Variants in CFAP91 observed in about 807,000 individuals in gnomAD.
The protein encoded by CFAP91 is cilia and flagella associated protein 91, also known as cilia- and flagella-associated protein 91.
In CFAP91, 85 loss-of-function variants were observed where a neutral mutation model predicts 95.9. That is an observed-to-expected ratio of 0.89 (90% CI 0.74 to 1.06). The LOEUF is 1.06. Ranked by LOEUF, CFAP91 falls within the 50% of genes least tolerant of loss-of-function variation. CFAP91 has a pLI of 0.00. For missense variants in CFAP91, 962 were observed against 943.4 expected (o/e 1.02, Z -0.26); for synonymous variants, 335 against 327.5 (o/e 1.02, Z -0.25).
chr3:119,756,622 A>G (rs577178566), intron 17 of CFAP91, among the ~76,000 whole-genome samples: 1 of 152,328 alleles, frequency 6.6e-6, no homozygotes, highest in East Asian at 1.9e-4. Context: ...AGAGGGCTAA[A>G]TGGATTAAAT....
chr3:119,737,285 G>T, intron 10 of CFAP91, 81 bp from the exon 11 acceptor site: 1 of 768,828 alleles, frequency 1.3e-6, no homozygotes, highest in Admixed American at 2.4e-5. Flanking sequence ...ATACATTCAT[G>T]TAAAAAACTG....
At chr3:119,714,951 A>C (rs919913243) in intron 5 of CFAP91, among the ~76,000 whole-genome samples, 1 of 152,156 alleles carries the variant, frequency 6.6e-6, no homozygotes, top group Non-Finnish European at 1.5e-5. Flanking sequence ...TTTTTACATT[A>C]ATTTTTTTAA....
chr3:119,703,078 C>A lies in CFAP91; in HGVS notation c.-21C>A, dbSNP rs760185993. 5.2e-6 allele frequency: 8 copies of A among 1,550,266 alleles called. No individual in the cohort carries two copies. Among genetic ancestry groups the A allele is most frequent in the African/African-American group, 1.4e-5 (1 of 73,072 alleles). Reference sequence around the variant, plus strand: ...GCCTGACCCGCTGGTCCCTTGCTGGCGGGAGGAAAGAGGCGGCACCATGAG... The same window carrying A: ...GCCTGACCCGCTGGTCCCTTGCTGGAGGGAGGAAAGAGGCGGCACCATGAG... On this transcript the variant is annotated 5_prime_UTR_variant, in exon 1 of 18. Transcript: ENST00000273390.
intron 10 of CFAP91, 81 bp downstream of exon 10, chr3:119,733,587 G>T: frequency 4.2e-6 from 6 of 1,420,004 alleles, no homozygotes; most frequent in South Asian, 3.8e-5. Flanking sequence ...TTGCAGCAAT[G>T]TCCAGTGGGT....
At chr3:119,764,788 A>G (rs2054599813) in intron 17 of CFAP91, among the ~76,000 whole-genome samples, 1 of 151,950 alleles carries the variant, frequency 6.6e-6, no homozygotes, top group South Asian at 2.1e-4. Flanking sequence ...TTGTATTTTT[A>G]TTTTTTTATG....
chr3:119,730,136 A>G (rs2053866530), intron 7 of CFAP91, 84 bp from the exon 8 acceptor site: 3 of 1,381,892 alleles, frequency 2.2e-6, no homozygotes, highest in Non-Finnish European at 3.0e-6. Flanking sequence ...CAGCCCACAG[A>G]GAAGAGCCTG....
chr3:119,727,717 CA>C (rs1455076959), intron 7 of CFAP91, among the ~76,000 whole-genome samples: 2 of 152,060 alleles, frequency 1.3e-5, no homozygotes, highest in African/African-American at 4.8e-5. Context: ...CTGTTCTGTA[CA>C]AAAAGTGCTT....
intron 14 of CFAP91, among the ~76,000 whole-genome samples, chr3:119,745,391 A>G (rs1385633975): frequency 6.6e-6 from 1 of 152,232 alleles, no homozygotes; most frequent in African/African-American, 2.4e-5. Flanking sequence ...AAATACATAT[A>G]AATTTTGCAG....
chr3:119,713,888 T>G (rs2053522197), intron 5 of CFAP91, among the ~76,000 whole-genome samples: 1 of 152,216 alleles, frequency 6.6e-6, no homozygotes, highest in African/African-American at 2.4e-5. Context: ...ACATTATTAT[T>G]TTGAATAGCT....
chr3:119,731,900 T>A (rs1036247139), intron 8 of CFAP91, among the ~76,000 whole-genome samples: 20 of 152,374 alleles, frequency 1.3e-4, no homozygotes, highest in Admixed American at 3.9e-4. Flanking sequence ...TAGTCTTTGC[T>A]TTTGATTATC....
chr3:119,751,835 C>A (rs932304607), intron 17 of CFAP91, among the ~76,000 whole-genome samples: 1 of 152,178 alleles, frequency 6.6e-6, no homozygotes, highest in African/African-American at 2.4e-5. Flanking sequence ...TGTAATAATT[C>A]CATAGGCATA....
intron 1 of CFAP91, among the ~76,000 whole-genome samples, chr3:119,705,359 T>C (rs4234663): frequency 0.93 from 141,322 of 152,266 alleles, 66,487 homozygotes; most frequent in East Asian, 1. Flanking sequence ...CCCTTCCTTA[T>C]GAAGCCCTAT....
intron 8 of CFAP91, 32 bp downstream of exon 8, chr3:119,730,409 G>A: frequency 6.3e-7 from 1 of 1,591,420 alleles, no homozygotes; most frequent in South Asian, 1.1e-5. Context: ...TGAAGACGGT[G>A]GAAAAGTGGG....
At chr3:119,721,592 G>C (rs1435377784) in intron 6 of CFAP91, among the ~76,000 whole-genome samples, 1 of 152,144 alleles carries the variant, frequency 6.6e-6, no homozygotes, top group East Asian at 1.9e-4. Context: ...GTGGGACAGG[G>C]TATAGCTGAT....
At chr3:119,726,400 T>C in intron 7 of CFAP91, 52 bp downstream of exon 7, 1 of 1,468,242 alleles carries the variant, frequency 6.8e-7, no homozygotes, top group Non-Finnish European at 9.3e-7. Context: ...GGAATAATGT[T>C]AATACTTTAT....
At chr3:119,745,781 T>G (rs1418256431) in intron 14 of CFAP91, among the ~76,000 whole-genome samples, 1 of 152,206 alleles carries the variant, frequency 6.6e-6, no homozygotes, top group East Asian at 1.9e-4. Flanking sequence ...TGGTTAGTTG[T>G]TTGGTTGATA....
chr3:119,739,314 C>T lies in CFAP91; in HGVS notation c.1521C>T (p.Val507=), dbSNP rs141207062. The T allele has an allele frequency of 2.8e-5, 46 of 1,614,040 alleles. No homozygotes were observed. The Middle Eastern group carries it at 6.6e-4, about 23-fold the overall frequency. Residue 507 remains valine, a synonymous_variant, in exon 12 of 18, where the codon GTC becomes GTT. Coordinates refer to ENST00000273390, the MANE Select transcript of CFAP91 (RefSeq NM_033364.4). ...TTCAAAAGTTACTCCGGGGCAGAGTCGTTCAGAACATGGTGTGTAGGTCCA... is the reference window on the plus strand; with the variant it reads ...TTCAAAAGTTACTCCGGGGCAGAGTTGTTCAGAACATGGTGTGTAGGTCCA... The part of the protein sequence containing the change: ...IYLQKLLRGR[V]VQNMMFEGKE...
chr3:119,703,207 TA>T lies in CFAP91; in HGVS notation c.110del (p.Tyr37LeufsTer26). 1 of 1,612,114 alleles carries T rather than the reference TA, an allele frequency of 6.2e-7. No individual in the cohort carries two copies. On this transcript the variant is annotated frameshift_variant, in exon 1 of 18. Coordinates refer to ENST00000273390, the MANE Select transcript of CFAP91 (RefSeq NM_033364.4). LOFTEE classifies it high-confidence loss of function. ...GAGCCACATCTCCTCCAATCGAGCG[TA>T]TGATTTTCTGTACGGTAAGGACCGC... ...AGSHISSNRAYDFLYDPLFIV... is the reference protein window; with the variant it reads ...AGSHISSNRAXDFLYDPLFIV...
intron 10 of CFAP91, among the ~76,000 whole-genome samples, chr3:119,736,497 T>C (rs2054010386): frequency 6.6e-6 from 1 of 152,022 alleles, no homozygotes; most frequent in African/African-American, 2.4e-5. Flanking sequence ...AGGATGGTCT[T>C]GATCTCCTGA....
Sources: gnomAD v4.1 joint callset for allele counts (sites outside exome capture counted in the v4.1 genomes callset) on GRCh38, gnomAD v4.1.1 for gene constraint, MANE v1.5 for transcripts, NCBI Gene and HGNC (gene_info 2026-07-23, HGNC 2026-07-21) for gene names.